The following CCDC141 variants were observed in gnomAD, a reference collection of about 807,000 sequenced individuals.
CCDC141 encodes coiled-coil domain-containing protein 141.
A neutral mutation model predicts 181.0 loss-of-function variants in CCDC141; 168 were observed. The ratio of observed to expected loss-of-function variants is 0.93; its 90% confidence interval spans 0.82 to 1.05. CCDC141 has a LOEUF of 1.05. CCDC141 is among the 50% of genes least tolerant of loss of function. The pLI is 0.00. For missense variants in CCDC141, 1,902 were observed against 1,788.5 expected (o/e 1.06, Z -1.14); for synonymous variants, 666 against 642.3 (o/e 1.04, Z -0.56).
At chr2:179,043,257 G>A (rs1268257145) in intron 2 of CCDC141, among the ~76,000 whole-genome samples, 1 of 152,102 alleles carries the variant, frequency 6.6e-6, no homozygotes, top group Non-Finnish European at 1.5e-5. Context: ...AAAAGCCCAG[G>A]ACCAGGTGGA....
At chr2:178,950,267 G>A (rs1435849924) in intron 5 of CCDC141, among the ~76,000 whole-genome samples, 4 of 152,168 alleles carry the variant, frequency 2.6e-5, no homozygotes, top group African/African-American at 9.7e-5. Context: ...AATTGTAGTT[G>A]ATGGTCACAG....
At chr2:178,927,228 G>T (rs1688941253) in intron 6 of CCDC141, among the ~76,000 whole-genome samples, 1 of 152,054 alleles carries the variant, frequency 6.6e-6, no homozygotes, top group South Asian at 2.1e-4. Flanking sequence ...AATAATCTGT[G>T]AACCAGCTGC....
At chr2:178,952,752 T>C (rs1026872291) in intron 5 of CCDC141, among the ~76,000 whole-genome samples, 1 of 152,236 alleles carries the variant, frequency 6.6e-6, no homozygotes, top group Non-Finnish European at 1.5e-5. Flanking sequence ...TATGGACAGT[T>C]AGACAGTCAT....
intron 6 of CCDC141, among the ~76,000 whole-genome samples, chr2:178,939,667 C>CCCACCTATTT (rs1689428357): frequency 6.6e-6 from 1 of 151,932 alleles, no homozygotes; most frequent in Non-Finnish European, 1.5e-5. Context: ...GGGTAGAATA[C>CCCACCTATTT]CACCCAGAGA....
Position 178,837,275 on chromosome 2 carries a change from A to T in CCDC141, c.3944T>A (p.Ile1315Asn), listed in dbSNP as rs1684519629. 1 of 1,613,918 alleles carries T rather than the reference A, an allele frequency of 6.2e-7. No homozygotes were observed. The highest frequency in any genetic ancestry group is 1.7e-5 in the Admixed American group (1 of 59,992). Residue 1315 changes from isoleucine (I) to asparagine (N), a missense_variant, in exon 23 of 24, where the codon ATC becomes AAC. Transcript: ENST00000443758. ...CATGCTCTCTGGATGTTCAGCACTG[A>T]TTCTGTGTAAGGCAGTACTCTTTTC... ...FVEKSTALHR[I>N]SAEHPESMMS...
At chr2:179,031,830 T>C (rs577196789) in intron 2 of CCDC141, among the ~76,000 whole-genome samples, 39 of 152,214 alleles carry the variant, frequency 2.6e-4, no homozygotes, top group African/African-American at 8.9e-4. Flanking sequence ...CAGTCAGCAA[T>C]AGCCTTGGGT....
chr2:178,841,559 T>C (rs1684719055), intron 22 of CCDC141, among the ~76,000 whole-genome samples: 1 of 152,242 alleles, frequency 6.6e-6, no homozygotes. Flanking sequence ...TTATGTATCA[T>C]ATAAAAATTA....
intron 2 of CCDC141, among the ~76,000 whole-genome samples, chr2:178,992,567 C>T (rs1575318457): frequency 1.3e-5 from 2 of 152,050 alleles, no homozygotes; most frequent in South Asian, 4.2e-4. Context: ...ACTTCTATGC[C>T]TCCTAAAGCC....
chr2:178,954,135 TG>T (rs1393252302), intron 5 of CCDC141, among the ~76,000 whole-genome samples: 4 of 152,246 alleles, frequency 2.6e-5, no homozygotes, highest in African/African-American at 9.6e-5. Flanking sequence ...GACACTGTCG[TG>T]TACGCAGAGA....
At chr2:178,994,258 A>G (rs1692183981) in intron 2 of CCDC141, among the ~76,000 whole-genome samples, 1 of 152,230 alleles carries the variant, frequency 6.6e-6, no homozygotes, top group African/African-American at 2.4e-5. Context: ...CTGCATGGGC[A>G]TCCAGACATT....
intron 17 of CCDC141, among the ~76,000 whole-genome samples, chr2:178,859,004 T>C (rs184073032): frequency 1.4e-4 from 22 of 152,344 alleles, no homozygotes; most frequent in African/African-American, 5.1e-4. Context: ...TGAGTGTGAT[T>C]TGATTTCTGT....
intron 2 of CCDC141, among the ~76,000 whole-genome samples, chr2:179,008,680 T>C (rs1182452319): frequency 6.6e-6 from 1 of 152,138 alleles, no homozygotes; most frequent in Non-Finnish European, 1.5e-5. Flanking sequence ...ACTCCACATA[T>C]ATATTCTGGG....
intron 2 of CCDC141, among the ~76,000 whole-genome samples, chr2:179,015,776 CATATATGTATCATATATATCTCAT>C (rs1179964534): frequency 2.2e-5 from 3 of 136,542 alleles, no homozygotes; most frequent in Non-Finnish European, 4.7e-5. Flanking sequence ...ATATATATCT[CATATATGTATCATATATATCTCAT>C]ATATGTATCA....
chr2:178,898,729 C>T (rs1326745667), intron 8 of CCDC141, among the ~76,000 whole-genome samples: 8 of 151,890 alleles, frequency 5.3e-5, no homozygotes, highest in African/African-American at 7.3e-5. Flanking sequence ...TAGTGATTAC[C>T]GAACAATAAT....
chr2:178,938,450 C>T (rs780523531), intron 6 of CCDC141, among the ~76,000 whole-genome samples: 2 of 152,038 alleles, frequency 1.3e-5, no homozygotes, highest in Non-Finnish European at 2.9e-5. Context: ...GTGCTGTGGT[C>T]TGAGAGTGTG....
intron 2 of CCDC141, among the ~76,000 whole-genome samples, chr2:179,015,744 T>TTA (rs1326832752): frequency 1.9e-5 from 1 of 52,394 alleles, no homozygotes; most frequent in Non-Finnish European, 7.2e-5. Flanking sequence ...TATATATATC[T>TTA]TATATATATC....
chr2:178,834,478 G>T, intron 23 of CCDC141, 38 bp from the exon 24 acceptor site: 1 of 1,529,558 alleles, frequency 6.5e-7, no homozygotes, highest in Non-Finnish European at 8.8e-7. Context: ...CAGGATTGCT[G>T]TTTATTCACA....
rs1686431448 is a variant in CCDC141, at chr2:178,878,163, G to A, written c.1720-20C>T. ...CTCTACCTAAAAAAGAAAAAAGAGA[G>A]TTAAGAACACTTAAACACATTTTTT... On this transcript the variant is annotated intron_variant, in intron 11 of 23. Transcript: ENST00000443758. 2 of 1,543,288 alleles carry A rather than the reference G, an allele frequency of 1.3e-6. No homozygotes were observed. The highest frequency in any genetic ancestry group is 2.4e-5 in the South Asian group (2 of 82,156).
chr2:178,873,600 G>A (rs1686218451), intron 12 of CCDC141: 1 of 152,192 alleles, frequency 6.6e-6, no homozygotes. Context: ...GTGAGGTCTA[G>A]AGAAAGGAGA....
Sources: gnomAD v4.1 joint callset for allele counts (sites outside exome capture counted in the v4.1 genomes callset) on GRCh38, gnomAD v4.1.1 for gene constraint, MANE v1.5 for transcripts, NCBI Gene and HGNC (gene_info 2026-07-23, HGNC 2026-07-21) for gene names.